The following SLC14A2 variants were observed in gnomAD, a reference collection of about 807,000 sequenced individuals.
SLC14A2 encodes urea transporter 2.
A neutral mutation model predicts 104.6 loss-of-function variants in SLC14A2; 91 were observed. That is an observed-to-expected ratio of 0.87 (90% CI 0.73 to 1.04). The LOEUF (loss-of-function observed/expected upper bound fraction) is 1.04. Among genes scored for constraint, SLC14A2 ranks in the 50% least tolerant of loss-of-function variants. The pLI is 0.00. For missense variants in SLC14A2, 1,189 were observed against 1,156.0 expected (o/e 1.03, Z -0.41); for synonymous variants, 476 against 466.4 (o/e 1.02, Z -0.27).
At chr18:45,481,026 A>T (rs1186074308) in intron 1 of SLC14A2, among the ~76,000 whole-genome samples, 5 of 152,106 alleles carry the variant, frequency 3.3e-5, no homozygotes, top group Non-Finnish European at 7.3e-5. Flanking sequence ...ATGATTGATA[A>T]AGTTTAAAAA....
At position 45,643,033 on chromosome 18, in the gene SLC14A2, G is replaced by A. The variant is rs8097507; in HGVS notation, c.1127-99G>A. 53 of 988,676 alleles carry A rather than the reference G, an allele frequency of 5.4e-5. No individual in the cohort carries two copies. The African/African-American group carries it at 7.2e-4, about 13-fold the overall frequency. 61.2% of individuals were successfully genotyped at this position (988,676 alleles called of 1,614,324 possible). A position where few individuals can be genotyped will look rare whatever the true frequency, so the allele number is the denominator to read the frequency against. On this transcript the variant is annotated intron_variant, in intron 8 of 19. Coordinates refer to ENST00000255226, the MANE Select transcript of SLC14A2 (RefSeq NM_007163.4). ...ATCTGAGGCTGCAGGAGAGAGGGTGGGGCTCCTGTTCTTGGTCTGGGCTCC... is the reference window on the plus strand; with the variant it reads ...ATCTGAGGCTGCAGGAGAGAGGGTGAGGCTCCTGTTCTTGGTCTGGGCTCC...
chr18:45,517,890 C>G (rs1475516321), intron 2 of SLC14A2, among the ~76,000 whole-genome samples: 1 of 152,162 alleles, frequency 6.6e-6, no homozygotes, highest in Non-Finnish European at 1.5e-5. Flanking sequence ...AGAAAACAAA[C>G]AGCTTGCTCA....
the SLC14A2 span, among the ~76,000 whole-genome samples, chr18:45,173,152 C>T: frequency 6.6e-6 from 1 of 152,064 alleles, no homozygotes; most frequent in Non-Finnish European, 1.5e-5. Context: ...ACTACATGGC[C>T]CTTTGTCAGG....
At chr18:45,615,947 C>T (rs984154297) in intron 1 of SLC14A2, among the ~76,000 whole-genome samples, 2 of 151,950 alleles carry the variant, frequency 1.3e-5, no homozygotes, top group African/African-American at 4.8e-5. Flanking sequence ...CAGGAAGGCA[C>T]CATGGCCATG....
At chr18:45,514,295 GGA>G (rs2043407397) in intron 2 of SLC14A2, among the ~76,000 whole-genome samples, 2 of 152,108 alleles carry the variant, frequency 1.3e-5, no homozygotes, top group Admixed American at 1.3e-4. Flanking sequence ...ATGACTGACG[GGA>G]GAGAGATAGC....
chr18:45,675,692 T>TATATATATCTATAG, intron 18 of SLC14A2, among the ~76,000 whole-genome samples: 4 of 56,912 alleles, frequency 7.0e-5, no homozygotes, highest in African/African-American at 2.6e-4. Context: ...TTTCTATATA[T>TATATATATCTATAG]ATATATATAT....
intron 1 of SLC14A2, among the ~76,000 whole-genome samples, chr18:45,266,277 C>T (rs2084591566): frequency 6.6e-6 from 1 of 152,120 alleles, no homozygotes; most frequent in Admixed American, 6.6e-5. Context: ...GTATATTCCA[C>T]CTGTGCTGGT....
chr18:45,515,864 G>A (rs1326027941), intron 2 of SLC14A2, among the ~76,000 whole-genome samples: 1 of 152,258 alleles, frequency 6.6e-6, no homozygotes, highest in African/African-American at 2.4e-5. Context: ...AAATGAAGCA[G>A]GGCCTGCTTT....
intron 1 of SLC14A2, among the ~76,000 whole-genome samples, chr18:45,224,180 C>T (rs1019778821): frequency 3.3e-5 from 5 of 152,212 alleles, no homozygotes; most frequent in Non-Finnish European, 5.9e-5. Context: ...TGTGCAGTGT[C>T]CTAGAGCCCA....
chr18:45,196,103 A>C, the SLC14A2 span, among the ~76,000 whole-genome samples: 1 of 152,206 alleles, frequency 6.6e-6, no homozygotes, highest in Non-Finnish European at 1.5e-5. Flanking sequence ...CTGTTTGAAC[A>C]ATTGGCCCCC....
At chr18:45,170,331 G>T in the SLC14A2 span, among the ~76,000 whole-genome samples, 1 of 152,134 alleles carries the variant, frequency 6.6e-6, no homozygotes, top group South Asian at 2.1e-4. Flanking sequence ...GAGGTTCAAG[G>T]TGTCTTTGGG....
At chr18:45,600,636 G>A (rs1486676132) in intron 2 of SLC14A2, among the ~76,000 whole-genome samples, 1 of 152,126 alleles carries the variant, frequency 6.6e-6, no homozygotes, top group Non-Finnish European at 1.5e-5. Flanking sequence ...CACTGGGTAG[G>A]GGGCAATGAG....
At chr18:45,344,064 T>A (rs890036226) in intron 1 of SLC14A2, among the ~76,000 whole-genome samples, 1 of 152,216 alleles carries the variant, frequency 6.6e-6, no homozygotes, top group Admixed American at 6.5e-5. Context: ...CATCAAAGTA[T>A]GTGAAAGCCC....
At chr18:45,391,558 C>T (rs1383059911) in intron 1 of SLC14A2, among the ~76,000 whole-genome samples, 1 of 152,148 alleles carries the variant, frequency 6.6e-6, no homozygotes, top group Non-Finnish European at 1.5e-5. Context: ...TAAAAGTGTT[C>T]CTATTTCTCC....
At chr18:45,266,563 C>G (rs2084594211) in intron 1 of SLC14A2, among the ~76,000 whole-genome samples, 1 of 152,024 alleles carries the variant, frequency 6.6e-6, no homozygotes, top group Non-Finnish European at 1.5e-5. Flanking sequence ...AAAATTCAAC[C>G]TAAACTCCCT....
the SLC14A2 span, among the ~76,000 whole-genome samples, chr18:45,182,553 C>G: frequency 6.6e-6 from 1 of 151,712 alleles, no homozygotes; most frequent in African/African-American, 2.4e-5. Flanking sequence ...GACTTTAAAA[C>G]TCCTAAGGCC....
chr18:45,598,947 G>A (rs1442168351), intron 2 of SLC14A2, among the ~76,000 whole-genome samples: 5 of 152,080 alleles, frequency 3.3e-5, no homozygotes, highest in African/African-American at 9.7e-5. Context: ...TATTAAACTC[G>A]TTTTCTCTTT....
intron 9 of SLC14A2, among the ~76,000 whole-genome samples, chr18:45,643,551 A>G (rs964672977): frequency 1.3e-5 from 2 of 152,128 alleles, no homozygotes; most frequent in African/African-American, 4.8e-5. Context: ...TTTTCTTTGC[A>G]AGACAGGGTC....
chr18:45,393,731 C>CCTG (rs2085997467), intron 1 of SLC14A2, among the ~76,000 whole-genome samples: 1 of 152,192 alleles, frequency 6.6e-6, no homozygotes. Flanking sequence ...ATAGCTCTGG[C>CCTG]CTGCTTTGCA....
Sources: gnomAD v4.1 joint callset for allele counts (sites outside exome capture counted in the v4.1 genomes callset) on GRCh38, gnomAD v4.1.1 for gene constraint, MANE v1.5 for transcripts, NCBI Gene and HGNC (gene_info 2026-07-23, HGNC 2026-07-21) for gene names.